Variants in XCR1 observed in about 807,000 individuals in gnomAD.
XCR1 encodes the protein chemokine XC receptor 1.
For missense variants in XCR1, 356 were observed against 424.2 expected (o/e 0.84, Z 1.41); for synonymous variants, 187 against 188.5 (o/e 0.99, Z 0.06).
chr3:46,023,320 A>C (rs1388499462), intron 1 of XCR1: 1 of 1,046,862 alleles, frequency 9.6e-7, no homozygotes, highest in Non-Finnish European at 1.5e-6. Flanking sequence ...AGGACCCCTC[A>C]ACCTGGCTCA....
rs779045034 is a variant in XCR1, at chr3:46,020,970, G to A, written c.978C>T (p.Ala326=). The change falls in exon 2 of 2, where the codon GCC becomes GCT. Residue 326 remains alanine, a synonymous_variant. Coordinates refer to ENST00000309285, the MANE Select transcript of XCR1 (RefSeq NM_001024644.2). ...ASIPHSPGAF[A]YEGASFY ...CTCAGTAGAAGGAGGCGCCCTCATA[G>A]GCGAAGGCACCAGGGGAGTGGGGGA... is the stretch of plus-strand genomic sequence containing the variant. 7.4e-6 allele frequency: 12 copies of A among 1,612,544 alleles called. No individual in the cohort carries two copies. The highest frequency in any genetic ancestry group is 1.6e-4 in the Middle Eastern group (1 of 6,080).
At chr3:46,081,895 C>T (rs1052380703) in intron 1 of XCR1, among the ~76,000 whole-genome samples, 4 of 152,010 alleles carry the variant, frequency 2.6e-5, no homozygotes, top group Non-Finnish European at 4.4e-5. Context: ...CTCTTGTTTC[C>T]GTCTTTATGT....
intron 5 of XCR1, among the ~76,000 whole-genome samples, chr3:46,047,951 T>C (rs1401078685): frequency 6.6e-6 from 1 of 152,172 alleles, no homozygotes; most frequent in Admixed American, 6.5e-5. Flanking sequence ...TTCTGTATAG[T>C]CAGCACAATT....
chr3:46,062,192 C>T (rs890742289), intron 4 of XCR1, among the ~76,000 whole-genome samples: 1 of 152,146 alleles, frequency 6.6e-6, no homozygotes, highest in Non-Finnish European at 1.5e-5. Context: ...TGGGGAGATG[C>T]AGGCCTCCTG....
At chr3:46,051,883 A>C (rs1358304335) in intron 5 of XCR1, among the ~76,000 whole-genome samples, 1 of 152,040 alleles carries the variant, frequency 6.6e-6, no homozygotes, top group East Asian at 1.9e-4. Context: ...AAAATTAGCC[A>C]GGTGTGGTGG....
At chr3:46,023,924 T>C (rs754382832) in intron 1 of XCR1, 93 of 1,493,346 alleles carry the variant, frequency 6.2e-5, no homozygotes, top group Non-Finnish European at 8.3e-5. Flanking sequence ...AAAGGTCCAG[T>C]AGAAAAGGAG....
upstream of XCR1, chr3:46,027,540 T>A (rs566078237): frequency 1.8e-4 from 27 of 149,852 alleles, no homozygotes; most frequent in Non-Finnish European, 3.4e-4. Context: ...ATGGGAGGAG[T>A]CTCAGAGAGA....
intron 1 of XCR1, among the ~76,000 whole-genome samples, chr3:46,024,372 A>G (rs957685770): frequency 6.6e-6 from 1 of 152,168 alleles, no homozygotes; most frequent in African/African-American, 2.4e-5. Context: ...CACTGACTTG[A>G]GCTAATGATT....
chr3:46,036,498 CAT>C (rs1374925728), intron 5 of XCR1, among the ~76,000 whole-genome samples: 1 of 152,172 alleles, frequency 6.6e-6, no homozygotes, highest in African/African-American at 2.4e-5. Flanking sequence ...AAACAGAACT[CAT>C]AAATTAAGTA....
chr3:46,082,109 C>T (rs1698378870), intron 1 of XCR1, among the ~76,000 whole-genome samples: 1 of 152,144 alleles, frequency 6.6e-6, no homozygotes, highest in African/African-American at 2.4e-5. Flanking sequence ...ACAACCCTAC[C>T]TGAGGGGACG....
intron 4 of XCR1, among the ~76,000 whole-genome samples, chr3:46,064,538 T>C (rs543374608): frequency 3.9e-5 from 6 of 152,344 alleles, no homozygotes; most frequent in South Asian, 2.1e-4. Context: ...GCTTGACTGA[T>C]AGAATGTGGC....
upstream of XCR1, among the ~76,000 whole-genome samples, chr3:46,028,984 G>T (rs561656252): frequency 2.6e-5 from 4 of 152,130 alleles, no homozygotes; most frequent in Non-Finnish European, 4.4e-5. Context: ...GCCTAGTCAG[G>T]TTATAGGGAT....
In XCR1 at chr3:46,063,547, T is replaced by G. The variant is rs1398684353; in HGVS notation, c.-183+3352A>C. 7.9e-5 allele frequency among the ~76,000 whole-genome samples: 12 copies of G among 152,260 alleles called. No individual in the cohort carries two copies. The East Asian group carries it at 2.1e-3, about 27-fold the overall frequency. Reference sequence around the variant, plus strand: ...AAAAGGGAACTGTGGGTGCAGCTCATACACATCAGTCCTCAGAAGCACAAG... The same window carrying G: ...AAAAGGGAACTGTGGGTGCAGCTCAGACACATCAGTCCTCAGAAGCACAAG... On this transcript the variant is annotated intron_variant, in intron 4 of 5. Transcript: ENST00000683768.
At position 46,020,557 on chromosome 3, in the gene XCR1, G is replaced by A; in HGVS notation, c.*389C>T. On this transcript the variant is annotated 3_prime_UTR_variant, in exon 2 of 2. Transcript: ENST00000309285. ...AGGGAAGGGAGGCATTGTCTTGTCA[G>A]CATCGTGCAGTTATCACAATGAGCT... is the stretch of plus-strand genomic sequence containing the variant. The A allele has an allele frequency of 4.9e-6, 1 of 202,742 alleles. No homozygotes were observed. The highest frequency in any genetic ancestry group is 1.0e-5 in the Non-Finnish European group (1 of 99,322). 12.6% of individuals were successfully genotyped at this position (202,742 alleles called of 1,614,324 possible).
chr3:46,023,126 G>C (rs60019065), intron 1 of XCR1, among the ~76,000 whole-genome samples: 30,342 of 152,132 alleles, frequency 0.2, 4,430 homozygotes, highest in African/African-American at 0.4. Flanking sequence ...CGCCGTGCGG[G>C]GTCGCGGCGG....
At chr3:46,077,701 G>T (rs1698286817) in intron 1 of XCR1, among the ~76,000 whole-genome samples, 1 of 152,100 alleles carries the variant, frequency 6.6e-6, no homozygotes, top group Non-Finnish European at 1.5e-5. Context: ...TGTTATTTCT[G>T]CAAACCAATG....
intron 5 of XCR1, among the ~76,000 whole-genome samples, chr3:46,033,571 A>G (rs1697346784): frequency 6.6e-6 from 1 of 152,186 alleles, no homozygotes. Context: ...GATTACTGTA[A>G]CTTTATATAA....
rs574123313 is a variant in XCR1 at position 46,061,212 on chromosome 3, G to A, written c.-183+5687C>T. The stretch of plus-strand genomic sequence containing the variant: ...CCTCTTCCATGATGGAAACAGTCCC[G>A]TGTAGTCAGCTTACCACTAAATAAG... On this transcript the variant is annotated intron_variant, in intron 4 of 5. Transcript: ENST00000683768. Among the ~76,000 whole-genome samples, 32 of 152,298 alleles carry A rather than the reference G, an allele frequency of 2.1e-4. No individual in the cohort carries two copies. In the East Asian group the frequency reaches 5.4e-3, roughly 26 times the overall value.
intron 4 of XCR1, among the ~76,000 whole-genome samples, chr3:46,059,626 C>T (rs1370533921): frequency 7.2e-5 from 11 of 152,188 alleles, no homozygotes; most frequent in South Asian, 6.2e-4. Flanking sequence ...ATGCAGTATA[C>T]GTATTCCATT....
Sources: allele counts gnomAD v4.1 joint callset (sites outside exome capture counted in the v4.1 genomes callset), GRCh38; gene constraint gnomAD v4.1.1; transcripts MANE v1.5; gene names NCBI Gene and HGNC (gene_info 2026-07-23, HGNC 2026-07-21).